SLC25A48: variants seen among roughly 807,000 people sequenced by gnomAD.
SLC25A48 encodes the protein solute carrier family 25 member 48, also known as CTC-321K16.1.
A neutral mutation model predicts 32.2 loss-of-function variants in SLC25A48; 29 were observed. The ratio of observed to expected loss-of-function variants is 0.90; its 90% CI spans 0.67 to 1.23. The LOEUF (loss-of-function observed/expected upper bound fraction) is 1.23. Among genes scored for constraint, SLC25A48 ranks in the 50% most tolerant of loss-of-function variants. SLC25A48 has a pLI of 0.00. For missense variants in SLC25A48, 399 were observed against 422.7 expected, an observed-to-expected ratio of 0.94 and a Z score of 0.49; for synonymous variants, 164 against 172.3, an observed-to-expected ratio of 0.95 and a Z score of 0.38.
At chr5:135,704,754 G>A (rs1249076918) in intron 3 of SLC25A48, among the ~76,000 whole-genome samples, 1 of 152,184 alleles carries the variant, frequency 6.6e-6, no homozygotes, top group Non-Finnish European at 1.5e-5. Context: ...AGCATAACAC[G>A]TTAATAAGTC....
intron 3 of SLC25A48, among the ~76,000 whole-genome samples, chr5:135,711,647 TA>T (rs1482961870): frequency 2.0e-5 from 3 of 152,176 alleles, no homozygotes; most frequent in Non-Finnish European, 2.9e-5. Context: ...TGCTTGTGCA[TA>T]AAAAATGGAA....
intron 3 of SLC25A48, among the ~76,000 whole-genome samples, chr5:135,647,124 C>T (rs372168299): frequency 2.6e-4 from 40 of 151,872 alleles, no homozygotes; most frequent in African/African-American, 8.7e-4. Flanking sequence ...AAAACACATA[C>T]GGTTTTTATT....
chr5:135,797,622 CAGTATCACAGGG>C (rs2126639306), intron 3 of SLC25A48, among the ~76,000 whole-genome samples: 1 of 151,800 alleles, frequency 6.6e-6, no homozygotes, highest in Non-Finnish European at 1.5e-5. Context: ...ATATGACTTC[CAGTATCACAGGG>C]AGTGTACACC....
chr5:135,595,597 G>A (rs1751631381), intron 1 of SLC25A48, among the ~76,000 whole-genome samples: 3 of 152,254 alleles, frequency 2.0e-5, no homozygotes, highest in African/African-American at 4.8e-5. Flanking sequence ...TGTGGTGGCA[G>A]AAAGGAGGGG....
chr5:135,579,288 C>G (rs532063591), exon 1 of SLC25A48: 100 of 163,278 alleles, frequency 6.1e-4, no homozygotes, highest in Admixed American at 2.3e-3. Flanking sequence ...TTTCCAGCGT[C>G]CCGCTCTGCC....
chr5:135,843,895 C>G (rs982575373), intron 2 of SLC25A48, among the ~76,000 whole-genome samples: 4 of 152,148 alleles, frequency 2.6e-5, no homozygotes, highest in Non-Finnish European at 5.9e-5. Flanking sequence ...TGCCTCCTGC[C>G]AGCCCTGCAC....
At chr5:135,618,957 A>C (rs764430436) in intron 1 of SLC25A48, among the ~76,000 whole-genome samples, 28 of 151,906 alleles carry the variant, frequency 1.8e-4, no homozygotes, top group Non-Finnish European at 3.7e-4. Context: ...GTTTCACTAA[A>C]ATATGCCATG....
In SLC25A48 at chr5:135,884,561, C is replaced by T. The variant is rs568851725; in HGVS notation, c.*8-3471C>T. Among the ~76,000 whole-genome samples, 13 of 152,246 alleles carry T rather than the reference C, an allele frequency of 8.5e-5. No individual in the cohort carries two copies. The South Asian group carries it at 2.5e-3, about 29-fold the overall frequency. ...ACTCCAGTGGCATGTCATTCTGGTG[C>T]ATTGGAGAGGCTCTATTGATGGGAG... On this transcript the variant is annotated intron_variant, in intron 7 of 7. Coordinates refer to ENST00000681962, the MANE Select transcript of SLC25A48 (RefSeq NM_001349336.2).
chr5:135,756,453 CA>C (rs1476136457), intron 3 of SLC25A48, among the ~76,000 whole-genome samples: 1 of 152,000 alleles, frequency 6.6e-6, no homozygotes, highest in African/African-American at 2.4e-5. Flanking sequence ...GTGGGTGGAT[CA>C]CCTGGGGTCA....
chr5:135,788,355 T>C (rs1274209493), intron 3 of SLC25A48, among the ~76,000 whole-genome samples: 1 of 128,752 alleles, frequency 7.8e-6, no homozygotes, highest in African/African-American at 2.8e-5. Context: ...GGTTGGGGGG[T>C]GTACACCCCC....
intron 3 of SLC25A48, among the ~76,000 whole-genome samples, chr5:135,667,108 A>G (rs1753542611): frequency 6.6e-6 from 1 of 152,078 alleles, no homozygotes; most frequent in Non-Finnish European, 1.5e-5. Flanking sequence ...GCTCTAGCCA[A>G]TCTCCTATTT....
At chr5:135,796,991 A>G (rs1157747043) in intron 3 of SLC25A48, among the ~76,000 whole-genome samples, 2 of 151,696 alleles carry the variant, frequency 1.3e-5, no homozygotes, top group Non-Finnish European at 2.9e-5. Flanking sequence ...TCACCCCCCC[A>G]TGATATTGTT....
At chr5:135,620,292 C>A (rs2079032) in intron 1 of SLC25A48, among the ~76,000 whole-genome samples, 1 of 152,116 alleles carries the variant, frequency 6.6e-6, no homozygotes, top group East Asian at 1.9e-4. Flanking sequence ...AATCCCCAGA[C>A]CCCTGGATGG....
At chr5:135,727,752 T>G (rs75870919) in intron 3 of SLC25A48, among the ~76,000 whole-genome samples, 1,532 of 152,270 alleles carry the variant, frequency 0.01, 34 homozygotes, top group African/African-American at 0.035. Context: ...CCTTTTCTAT[T>G]TCATTGTGTG....
chr5:135,599,478 G>A (rs986058356), intron 1 of SLC25A48, among the ~76,000 whole-genome samples: 1 of 152,124 alleles, frequency 6.6e-6, no homozygotes, highest in Non-Finnish European at 1.5e-5. Flanking sequence ...TGCATAAGTT[G>A]GAGGCTACTA....
At chr5:135,758,749 A>G (rs936892896) in intron 3 of SLC25A48, among the ~76,000 whole-genome samples, 2 of 150,718 alleles carry the variant, frequency 1.3e-5, no homozygotes, top group African/African-American at 4.8e-5. Flanking sequence ...CTATGCTATA[A>G]ATAATACCAA....
At chr5:135,651,388 T>C (rs1251805434) in intron 3 of SLC25A48, among the ~76,000 whole-genome samples, 1 of 152,200 alleles carries the variant, frequency 6.6e-6, no homozygotes, top group Non-Finnish European at 1.5e-5. Flanking sequence ...CTCAGGTGAC[T>C]GTACAGTGAG....
chr5:135,740,401 G>A (rs2007083), intron 3 of SLC25A48, among the ~76,000 whole-genome samples: 43,146 of 151,924 alleles, frequency 0.28, 6,284 homozygotes, highest in East Asian at 0.45. Context: ...CACCATGTTG[G>A]TCAGGCTGGT....
intron 4 of SLC25A48, among the ~76,000 whole-genome samples, chr5:135,868,883 G>A (rs1336172176): frequency 1.3e-5 from 2 of 152,108 alleles, no homozygotes; most frequent in Non-Finnish European, 2.9e-5. Flanking sequence ...ACCCATAGCT[G>A]ATTCATGAAA....
Sources: allele counts gnomAD v4.1 joint callset (sites outside exome capture counted in the v4.1 genomes callset), GRCh38; gene constraint gnomAD v4.1.1; transcripts MANE v1.5; gene names NCBI Gene and HGNC (gene_info 2026-07-23, HGNC 2026-07-21).